Variants in DNER observed in about 807,000 individuals in gnomAD.
The protein encoded by DNER is delta and Notch-like epidermal growth factor-related receptor.
Under a neutral mutation model 78.2 loss-of-function variants are expected in DNER, and 33 were observed. That is an observed-to-expected ratio of 0.42 (90% CI 0.32 to 0.56). The LOEUF is 0.56. DNER is among the 20% of genes least tolerant of loss of function. The pLI is 0.11. For missense variants in DNER, 918 were observed against 975.3 expected, an observed-to-expected ratio of 0.94 and a Z score of 0.78; for synonymous variants, 417 against 384.8, an observed-to-expected ratio of 1.08 and a Z score of -0.98.
chr2:229,543,434 G>C (rs976595513), intron 5 of DNER, among the ~76,000 whole-genome samples: 2 of 152,182 alleles, frequency 1.3e-5, no homozygotes, highest in Non-Finnish European at 2.9e-5. Context: ...GTAACATGAC[G>C]ACCGCCTTAC....
chr2:229,702,916 C>CAAAA (rs775005338), intron 1 of DNER, among the ~76,000 whole-genome samples: 28 of 103,740 alleles, frequency 2.7e-4, no homozygotes, highest in South Asian at 7.2e-4. Flanking sequence ...GACTCCGCCT[C>CAAAA]AAAAAAAAAA....
At chr2:229,455,579 C>T (rs879501543) in intron 7 of DNER, among the ~76,000 whole-genome samples, 1 of 152,054 alleles carries the variant, frequency 6.6e-6, no homozygotes, top group Non-Finnish European at 1.5e-5. Context: ...TTGGGAGGTG[C>T]TCACATACTG....
chr2:229,410,721 A>G (rs1317060615), intron 9 of DNER, among the ~76,000 whole-genome samples: 2 of 152,252 alleles, frequency 1.3e-5, no homozygotes, highest in Non-Finnish European at 2.9e-5. Flanking sequence ...CATTCTTTAC[A>G]GAAGTTAATT....
At chr2:229,702,471 G>A (rs1235567385) in intron 1 of DNER, among the ~76,000 whole-genome samples, 1 of 152,008 alleles carries the variant, frequency 6.6e-6, no homozygotes. Flanking sequence ...TAGAGGTTAA[G>A]GCTGCAGTAA....
At chr2:229,580,754 T>C (rs1697377683) in intron 4 of DNER, among the ~76,000 whole-genome samples, 1 of 152,152 alleles carries the variant, frequency 6.6e-6, no homozygotes, top group Non-Finnish European at 1.5e-5. Context: ...GATAAAGCAG[T>C]CAGTCCCTGC....
At chr2:229,578,131 C>A (rs972195842) in intron 4 of DNER, among the ~76,000 whole-genome samples, 1 of 152,212 alleles carries the variant, frequency 6.6e-6, no homozygotes, top group Non-Finnish European at 1.5e-5. Context: ...TTCTGCATCT[C>A]CCCGTGGGCT....
intron 6 of DNER, among the ~76,000 whole-genome samples, chr2:229,484,732 G>A (rs1342045585): frequency 6.6e-6 from 1 of 152,184 alleles, no homozygotes; most frequent in Non-Finnish European, 1.5e-5. Context: ...ACACAAGACA[G>A]TCTCCTACAA....
At chr2:229,479,732 CAA>C (rs1559362940) in intron 6 of DNER, among the ~76,000 whole-genome samples, 2 of 114,094 alleles carry the variant, frequency 1.8e-5, no homozygotes, top group Admixed American at 8.5e-5. Context: ...AAAAAAAAAA[CAA>C]AAAACCATAA....
At chr2:229,680,394 T>A (rs1289023640) in intron 1 of DNER, among the ~76,000 whole-genome samples, 1 of 152,228 alleles carries the variant, frequency 6.6e-6, no homozygotes. Context: ...GATCTCATTC[T>A]TATTGGTGAT....
intron 4 of DNER, among the ~76,000 whole-genome samples, chr2:229,568,439 G>A (rs1697154098): frequency 6.6e-6 from 1 of 152,154 alleles, no homozygotes; most frequent in South Asian, 2.1e-4. Context: ...TCCGCAGTAG[G>A]AAATGCAGGC....
chr2:229,480,497 C>A (rs946203939), intron 6 of DNER, among the ~76,000 whole-genome samples: 7 of 152,096 alleles, frequency 4.6e-5, no homozygotes, highest in African/African-American at 1.7e-4. Flanking sequence ...TGATAATGCA[C>A]AAATATTCCC....
At chr2:229,440,851 C>T (rs1199831756) in intron 8 of DNER, among the ~76,000 whole-genome samples, 1 of 152,234 alleles carries the variant, frequency 6.6e-6, no homozygotes, top group African/African-American at 2.4e-5. Flanking sequence ...CTCACATAAA[C>T]GTTTAACCCA....
intron 10 of DNER, among the ~76,000 whole-genome samples, chr2:229,403,799 G>A (rs1267507574): frequency 6.6e-6 from 1 of 151,954 alleles, no homozygotes; most frequent in Non-Finnish European, 1.5e-5. Flanking sequence ...AGAGATGGAG[G>A]AAAGGCACCT....
intron 5 of DNER, among the ~76,000 whole-genome samples, chr2:229,525,140 T>C (rs1696184874): frequency 6.6e-6 from 1 of 152,214 alleles, no homozygotes; most frequent in Non-Finnish European, 1.5e-5. Flanking sequence ...AATATGCGTG[T>C]GTCTCAACGC....
At chr2:229,542,034 T>C (rs982405650) in intron 5 of DNER, among the ~76,000 whole-genome samples, 7 of 149,762 alleles carry the variant, frequency 4.7e-5, no homozygotes, top group African/African-American at 7.3e-5. Flanking sequence ...AATGTTCCTG[T>C]TCCTCCAAAT....
At chr2:229,596,795 C>G (rs186812426) in intron 1 of DNER, among the ~76,000 whole-genome samples, 40 of 152,280 alleles carry the variant, frequency 2.6e-4, no homozygotes, top group African/African-American at 8.7e-4. Flanking sequence ...ATGACTGACA[C>G]GGAAGGCCAG....
chr2:229,416,495 C>G (rs1693654570), intron 9 of DNER, among the ~76,000 whole-genome samples: 1 of 152,092 alleles, frequency 6.6e-6, no homozygotes, highest in Non-Finnish European at 1.5e-5. Flanking sequence ...AGAGGCCTCC[C>G]AGTTTGGTGT....
chr2:229,496,328 T>C (rs569848917), intron 6 of DNER, among the ~76,000 whole-genome samples: 1 of 152,346 alleles, frequency 6.6e-6, no homozygotes, highest in South Asian at 2.1e-4. Flanking sequence ...TGTGAAAACA[T>C]GTATATGACT....
chr2:229,713,643 G>A (rs1003948976), intron 1 of DNER, among the ~76,000 whole-genome samples: 1 of 152,232 alleles, frequency 6.6e-6, no homozygotes, highest in Non-Finnish European at 1.5e-5. Context: ...AGGAAGAGAA[G>A]GAGAAAGTGC....
Sources: allele counts gnomAD v4.1 joint callset (sites outside exome capture counted in the v4.1 genomes callset), GRCh38; gene constraint gnomAD v4.1.1; transcripts MANE v1.5; gene names NCBI Gene and HGNC (gene_info 2026-07-23, HGNC 2026-07-21).